Variants in ELMOD1 observed in about 807,000 individuals in gnomAD.
ELMOD1 encodes ELMO domain-containing protein 1.
A neutral mutation model predicts 46.7 loss-of-function variants in ELMOD1; 21 were observed. The observed-to-expected ratio is 0.45, with a 90% CI of 0.32 to 0.65. The LOEUF (loss-of-function observed/expected upper bound fraction) is 0.65, where lower values mean the gene tolerates loss of function less well. ELMOD1 is among the 30% of genes least tolerant of loss of function. The probability of loss-of-function intolerance (pLI) is 0.04; values close to 1 mark genes in which losing one functional copy is unlikely to be tolerated. For synonymous variants in ELMOD1, 122 were observed against 138.2 expected, an observed-to-expected ratio of 0.88 and a Z score of 0.82; for missense variants, 348 against 407.8, an observed-to-expected ratio of 0.85 and a Z score of 1.26.
intron 6 of ELMOD1, among the ~76,000 whole-genome samples, chr11:107,636,983 T>C (rs906621962): frequency 1.7e-4 from 26 of 152,262 alleles, no homozygotes; most frequent in African/African-American, 6.3e-4. Flanking sequence ...TTAGAATAGC[T>C]GAGGTTCCCT....
At chr11:107,648,379 CTGAAAATTGGAGGTA>C (rs1431935776) in intron 7 of ELMOD1, among the ~76,000 whole-genome samples, 5 of 152,126 alleles carry the variant, frequency 3.3e-5, no homozygotes, top group African/African-American at 1.2e-4. Flanking sequence ...CCTGTATTTC[CTGAAAATTGGAGGTA>C]TGCAGGCAGG....
intron 6 of ELMOD1, among the ~76,000 whole-genome samples, chr11:107,644,460 T>C (rs1426495065): frequency 6.6e-6 from 1 of 151,532 alleles, no homozygotes; most frequent in Non-Finnish European, 1.5e-5. Context: ...TGAAACAAGA[T>C]ATATATATAT....
rs1866626126 is a variant in ELMOD1, at chr11:107,656,074, TC to T, written c.832+10del. 6 of 1,551,952 alleles carry T rather than the reference TC, an allele frequency of 3.9e-6. No individual in the cohort carries two copies. In the South Asian group the frequency reaches 7.1e-5, roughly 18 times the overall value. ...ACTTTCAGCAAACATTCTGTAAGTA[TC>T]CTGTTGTATAATTATCAATATAGGT... On this transcript the variant is annotated intron_variant, in intron 11 of 11. Coordinates refer to ENST00000265840, the MANE Select transcript of ELMOD1 (RefSeq NM_018712.4).
At chr11:107,634,977 T>C (rs538225142) in intron 5 of ELMOD1, among the ~76,000 whole-genome samples, 1 of 152,330 alleles carries the variant, frequency 6.6e-6, no homozygotes, top group African/African-American at 2.4e-5. Flanking sequence ...ACTACAGCGG[T>C]CAGAATGTAA....
intron 11 of ELMOD1, among the ~76,000 whole-genome samples, chr11:107,663,739 G>A (rs1051679869): frequency 3.3e-5 from 5 of 152,092 alleles, no homozygotes; most frequent in Non-Finnish European, 7.4e-5. Context: ...AAATTATGTT[G>A]AGCATTTTTC....
At chr11:107,615,825 G>T (rs888807389) in intron 1 of ELMOD1, among the ~76,000 whole-genome samples, 4 of 151,366 alleles carry the variant, frequency 2.6e-5, no homozygotes, top group Non-Finnish European at 5.9e-5. Flanking sequence ...TTGAATTGGG[G>T]TTTGTCGAAT....
intron 11 of ELMOD1, among the ~76,000 whole-genome samples, chr11:107,660,982 G>A (rs2135719053): frequency 6.6e-6 from 1 of 152,318 alleles, no homozygotes; most frequent in East Asian, 1.9e-4. Context: ...TTAACTGACA[G>A]ATCAGACCAA....
At chr11:107,644,835 A>C (rs1388072738) in intron 6 of ELMOD1, among the ~76,000 whole-genome samples, 1 of 152,104 alleles carries the variant, frequency 6.6e-6, no homozygotes, top group African/African-American at 2.4e-5. Flanking sequence ...TATTCAAATG[A>C]ATGTGACGAA....
chr11:107,636,951 T>C (rs1463606837), intron 6 of ELMOD1, among the ~76,000 whole-genome samples: 1 of 152,190 alleles, frequency 6.6e-6, no homozygotes, highest in Non-Finnish European at 1.5e-5. Context: ...TAACAGATAG[T>C]CACAAGAGCC....
intron 2 of ELMOD1, among the ~76,000 whole-genome samples, chr11:107,619,876 T>C (rs1270860277): frequency 1.3e-5 from 2 of 152,104 alleles, no homozygotes; most frequent in South Asian, 2.1e-4. Flanking sequence ...GTGTATATTT[T>C]ATAAATATTA....
At chr11:107,592,091 T>C in intron 1 of ELMOD1, 1 of 393,400 alleles carries the variant, frequency 2.5e-6, no homozygotes, top group Non-Finnish European at 5.3e-6. Flanking sequence ...TGGGGTGAGC[T>C]GTTGTGGGTG....
intron 5 of ELMOD1, 31 bp from the exon 6 acceptor site, chr11:107,635,605 T>C (rs755713175): frequency 6.2e-7 from 1 of 1,601,674 alleles, no homozygotes; most frequent in East Asian, 2.2e-5. Flanking sequence ...TGTTCTTCCT[T>C]GTGTGTCTCT....
At chr11:107,660,555 C>T (rs140559188) in intron 11 of ELMOD1, among the ~76,000 whole-genome samples, 2 of 152,248 alleles carry the variant, frequency 1.3e-5, no homozygotes, top group East Asian at 3.9e-4. Context: ...GGAATAAGAA[C>T]CAGAGGAACA....
At chr11:107,657,460 C>T (rs551519441) in intron 11 of ELMOD1, among the ~76,000 whole-genome samples, 1 of 152,206 alleles carries the variant, frequency 6.6e-6, no homozygotes, top group East Asian at 1.9e-4. Flanking sequence ...CCAAGGAGGC[C>T]AAGGCTGCTA....
chr11:107,642,882 C>G (rs1012475893), intron 6 of ELMOD1: 4 of 295,910 alleles, frequency 1.4e-5, no homozygotes, highest in African/African-American at 9.3e-5. Context: ...TTTGTGATTC[C>G]CCTTCATGCT....
rs559905074 is a variant in ELMOD1, at chr11:107,622,228, A to T, written c.17+4022A>T. Among the ~76,000 whole-genome samples the T allele has an allele frequency of 3.5e-4, 53 of 152,338 alleles. 1 individual carries two copies. The highest frequency in any genetic ancestry group is 3.1e-3 in the Admixed American group (47 of 15,304). The stretch of plus-strand genomic sequence containing the variant: ...AAGGACTAGGATTTTAATATTTTAA[A>T]ATAAGGATAGAAGATGTGGGATGCT... On this transcript the variant is annotated intron_variant, in intron 2 of 11. Transcript: ENST00000265840.
chr11:107,608,744 G>A (rs532451814), intron 1 of ELMOD1, among the ~76,000 whole-genome samples: 1 of 152,216 alleles, frequency 6.6e-6, no homozygotes, highest in South Asian at 2.1e-4. Context: ...CTTCAGGAAA[G>A]GAGAGAGTTT....
intron 10 of ELMOD1, among the ~76,000 whole-genome samples, chr11:107,654,723 G>A (rs1866594198): frequency 6.6e-6 from 1 of 150,402 alleles, no homozygotes; most frequent in Admixed American, 6.7e-5. Context: ...GAGTGGAGAT[G>A]GCGCCACTGC....
At chr11:107,633,262 T>C (rs1026024889) in intron 5 of ELMOD1, among the ~76,000 whole-genome samples, 2 of 152,110 alleles carry the variant, frequency 1.3e-5, no homozygotes, top group Non-Finnish European at 2.9e-5. Context: ...AGCTCTGATA[T>C]AAAAAAATTA....
Sources: allele counts gnomAD v4.1 joint callset (sites outside exome capture counted in the v4.1 genomes callset), GRCh38; gene constraint gnomAD v4.1.1; transcripts MANE v1.5; gene names NCBI Gene and HGNC (gene_info 2026-07-23, HGNC 2026-07-21).